RHBDD1: variants seen among roughly 807,000 people sequenced by gnomAD.
The protein encoded by RHBDD1 is rhomboid-related protein 4.
A neutral mutation model predicts 36.3 loss-of-function variants in RHBDD1; 38 were observed. The ratio of observed to expected loss-of-function variants is 1.05; its 90% CI spans 0.81 to 1.37. The LOEUF is 1.37. RHBDD1 is among the 40% of genes most tolerant of loss of function. RHBDD1 has a pLI of 0.00. For missense variants in RHBDD1, 393 were observed against 377.6 expected (o/e 1.04, Z -0.34); for synonymous variants, 151 against 136.5 (o/e 1.11, Z -0.74).
chr2:226,892,954 G>A (rs1208393546), intron 5 of RHBDD1, among the ~76,000 whole-genome samples: 1 of 152,196 alleles, frequency 6.6e-6, no homozygotes, highest in African/African-American at 2.4e-5. Context: ...ATTCTAAAGT[G>A]CAGCCAGGAT....
At chr2:226,879,162 G>A (rs143320425) in intron 5 of RHBDD1, among the ~76,000 whole-genome samples, 1 of 151,894 alleles carries the variant, frequency 6.6e-6, no homozygotes, top group East Asian at 1.9e-4. Context: ...TTTCAGCTAT[G>A]TTTGTATATG....
rs367554033 is a variant in RHBDD1 at position 226,865,045 on chromosome 2, G to T, written c.352G>T (p.Val118Leu). 6.2e-7 allele frequency: 1 copy of T among 1,614,058 alleles called. No homozygotes were observed. Among genetic ancestry groups the T allele is most frequent in the African/African-American group, 1.3e-5 (1 of 74,932 alleles). The change falls in exon 4 of 9, where the codon GTA (valine) becomes TTA (leucine). Residue 118 changes from valine to leucine, a missense_variant. Coordinates refer to ENST00000392062, the MANE Select transcript of RHBDD1 (RefSeq NM_001167608.3). ...CGCATTTTCTGTACTTACTGGAGTG[G>T]TATACCTGCTCTTGCAATTTGCTGT... Reference protein sequence around the residue: ...ITAFSVLTGVVYLLLQFAVAE... With the variant: ...ITAFSVLTGVLYLLLQFAVAE...
rs566571001 is a variant in RHBDD1, at chr2:226,859,114, G to A, written c.-90-5490G>A. On this transcript the variant is annotated intron_variant, in intron 3 of 8. Coordinates refer to ENST00000392062, the MANE Select transcript of RHBDD1 (RefSeq NM_001167608.3). ...ATAGGTATTCAGACCTTCTTAATCA[G>A]TTTCATTTATCATATAATGTAGACA... 3.9e-5 allele frequency among the ~76,000 whole-genome samples: 6 copies of A among 152,234 alleles called. No individual in the cohort carries two copies. In the South Asian group the frequency reaches 1.2e-3, roughly 32 times the overall value.
intron 8 of RHBDD1, among the ~76,000 whole-genome samples, chr2:226,971,524 T>C (rs1157184647): frequency 6.6e-6 from 1 of 152,228 alleles, no homozygotes; most frequent in African/African-American, 2.4e-5. Context: ...GACTACCAGC[T>C]TATTTGACTT....
the RHBDD1 span, among the ~76,000 whole-genome samples, chr2:226,816,923 T>A: frequency 7.1e-6 from 1 of 140,300 alleles, no homozygotes; most frequent in Non-Finnish European, 1.6e-5. Flanking sequence ...GTCTAATACC[T>A]TTTTCTGAGG....
chr2:226,832,163 T>G (rs892858023), upstream of RHBDD1, among the ~76,000 whole-genome samples: 2 of 152,188 alleles, frequency 1.3e-5, no homozygotes, highest in African/African-American at 4.8e-5. Flanking sequence ...TTGATCACTG[T>G]TTTAGCTGCA....
chr2:226,986,298 A>G (rs1187526128), intron 8 of RHBDD1, among the ~76,000 whole-genome samples: 1 of 152,212 alleles, frequency 6.6e-6, no homozygotes, highest in Non-Finnish European at 1.5e-5. Flanking sequence ...GAAATTAGTG[A>G]AAAAAACTGG....
At chr2:226,815,240 C>G in the RHBDD1 span, among the ~76,000 whole-genome samples, 2 of 152,166 alleles carry the variant, frequency 1.3e-5, no homozygotes, top group African/African-American at 2.4e-5. Context: ...TTCATGAACT[C>G]TAATTGTTGG....
intron 3 of RHBDD1, among the ~76,000 whole-genome samples, chr2:226,857,614 C>T (rs998538893): frequency 2.6e-5 from 4 of 152,020 alleles, no homozygotes; most frequent in Non-Finnish European, 1.5e-5. Flanking sequence ...AACAAAGTAT[C>T]GATAATTGCT....
intron 8 of RHBDD1, among the ~76,000 whole-genome samples, chr2:226,954,633 G>A (rs888775748): frequency 1.1e-4 from 17 of 152,106 alleles, no homozygotes; most frequent in African/African-American, 3.9e-4. Context: ...GAAAGAGACG[G>A]GAGAGAGGAT....
intron 3 of RHBDD1, among the ~76,000 whole-genome samples, chr2:226,842,298 G>C (rs949984880): frequency 2.0e-5 from 3 of 152,026 alleles, no homozygotes; most frequent in African/African-American, 7.2e-5. Flanking sequence ...GTTTAATCAG[G>C]TCCCATTTGT....
At chr2:226,897,308 G>GTGTCTGTC (rs56199167) in intron 5 of RHBDD1, among the ~76,000 whole-genome samples, 112 of 142,032 alleles carry the variant, frequency 7.9e-4, no homozygotes, top group African/African-American at 2.6e-3. Context: ...TGAGGTGTGT[G>GTGTCTGTC]TGTCTGTCTG....
intron 8 of RHBDD1, among the ~76,000 whole-genome samples, chr2:226,926,227 A>T (rs1246414854): frequency 1.3e-5 from 2 of 151,984 alleles, no homozygotes; most frequent in African/African-American, 2.4e-5. Context: ...AGTAAATAAA[A>T]AAAAAAAAAA....
chr2:226,897,737 C>T (rs1017492729), intron 5 of RHBDD1, among the ~76,000 whole-genome samples: 5 of 151,998 alleles, frequency 3.3e-5, no homozygotes, highest in Admixed American at 6.5e-5. Context: ...TTTGGGAGGC[C>T]GAGGCGGGTG....
At chr2:226,825,561 C>T in the RHBDD1 span, among the ~76,000 whole-genome samples, 1 of 152,100 alleles carries the variant, frequency 6.6e-6, no homozygotes, top group Admixed American at 6.5e-5. Flanking sequence ...GAAAGGAATA[C>T]ATCATTCAAA....
At chr2:226,875,452 C>G (rs964821179) in intron 5 of RHBDD1, among the ~76,000 whole-genome samples, 2 of 152,024 alleles carry the variant, frequency 1.3e-5, no homozygotes, top group African/African-American at 4.8e-5. Flanking sequence ...TTTTGAGATC[C>G]TTGTTAAATG....
In RHBDD1 at chr2:226,934,287, C is replaced by A. The variant is rs144655564; in HGVS notation, c.856+19936C>A. Among the ~76,000 whole-genome samples the A allele has an allele frequency of 9.5e-3, 1,441 of 152,182 alleles. 5 individuals are homozygous for A. The highest frequency in any genetic ancestry group is 0.014 in the Non-Finnish European group (946 of 68,008). On this transcript the variant is annotated intron_variant, in intron 8 of 8. Coordinates refer to ENST00000392062, the MANE Select transcript of RHBDD1 (RefSeq NM_001167608.3). ...GTAGCCTAGGAGCAATAGGCTATAC[C>A]ATATAGCCTATATGTGTAGTAGGCT...
At chr2:226,891,508 A>C (rs1946687422) in intron 5 of RHBDD1, among the ~76,000 whole-genome samples, 1 of 152,228 alleles carries the variant, frequency 6.6e-6, no homozygotes, top group Non-Finnish European at 1.5e-5. Context: ...GGGGTTATCC[A>C]AGGAGTGAAT....
the RHBDD1 span, among the ~76,000 whole-genome samples, chr2:226,809,945 A>G: frequency 1.3e-5 from 2 of 152,218 alleles, no homozygotes; most frequent in African/African-American, 2.4e-5. Flanking sequence ...CAATATAATA[A>G]TAATGTAACA....
Sources: allele counts gnomAD v4.1 joint callset (sites outside exome capture counted in the v4.1 genomes callset), GRCh38; gene constraint gnomAD v4.1.1; transcripts MANE v1.5; gene names NCBI Gene and HGNC (gene_info 2026-07-23, HGNC 2026-07-21).